OR3A2: variants seen among roughly 807,000 people sequenced by gnomAD.
The protein encoded by OR3A2 is olfactory receptor family 3 subfamily A member 2, also known as olfactory receptor 3A2.
For missense variants in OR3A2, 318 were observed against 392.8 expected, an observed-to-expected ratio of 0.81 and a Z score of 1.61; for synonymous variants, 126 against 159.3, an observed-to-expected ratio of 0.79 and a Z score of 1.57.
At chr17:3,368,294 C>T (rs749041908) in intron 2 of OR3A2, among the ~76,000 whole-genome samples, 6 of 152,154 alleles carry the variant, frequency 3.9e-5, no homozygotes, top group Admixed American at 1.3e-4. Context: ...GGTTCTTGAT[C>T]ATAAATTCTT....
chr17:3,292,663 C>A (rs1173879840), intron 3 of OR3A2: 2 of 1,283,072 alleles, frequency 1.6e-6, no homozygotes, highest in African/African-American at 1.5e-5. Flanking sequence ...AGAAACAGAC[C>A]CCCTTCTACT....
intron 2 of OR3A2, among the ~76,000 whole-genome samples, chr17:3,341,449 G>GT (rs1458997637): frequency 7.9e-4 from 121 of 152,206 alleles, no homozygotes; most frequent in African/African-American, 2.8e-3. Context: ...GCTCTTGTTA[G>GT]GCAGGCCTGG....
intron 2 of OR3A2, among the ~76,000 whole-genome samples, chr17:3,340,232 G>A: frequency 6.6e-6 from 1 of 152,060 alleles, no homozygotes; most frequent in Non-Finnish European, 1.5e-5. Flanking sequence ...TGGATTCACT[G>A]ATTTTTTTGA....
chr17:3,287,528 G>T (rs369522736), upstream of OR3A2, among the ~76,000 whole-genome samples: 1 of 152,016 alleles, frequency 6.6e-6, no homozygotes, highest in African/African-American at 2.4e-5. Context: ...TAAAATTTTC[G>T]TCTGTTAGTG....
intron 3 of OR3A2, among the ~76,000 whole-genome samples, chr17:3,328,820 T>C (rs375955746): frequency 0.053 from 6,278 of 118,666 alleles, 1,203 homozygotes; most frequent in African/African-American, 0.13. Context: ...GATAATCATG[T>C]GGTTTTTGTC....
At chr17:3,335,479 AC>A (rs2150644656) in intron 3 of OR3A2, among the ~76,000 whole-genome samples, 1 of 151,992 alleles carries the variant, frequency 6.6e-6, no homozygotes, top group South Asian at 2.1e-4. Context: ...TCCCTGCCCC[AC>A]CCCTACTGAT....
rs952805233 is a variant in OR3A2 at position 3,355,075 on chromosome 17, C to A, written c.-178-18949G>T. On this transcript the variant is annotated intron_variant, in intron 2 of 4. Coordinates refer to the OR3A2 transcript ENST00000573491. ...GTGTTCATATAGTTCCAAAATTATT[C>A]TTATTATAGTTCCATATAGTTCACA... Among the ~76,000 whole-genome samples, 45 of 151,256 alleles carry A rather than the reference C, an allele frequency of 3.0e-4. 1 individual carries two copies. Among genetic ancestry groups the A allele is most frequent in the African/African-American group, 1.0e-3 (42 of 41,050 alleles).
At chr17:3,310,372 C>T (rs745771695) in intron 3 of OR3A2, 33 of 534,786 alleles carry the variant, frequency 6.2e-5, no homozygotes, top group South Asian at 4.5e-4. Flanking sequence ...CTGGGCCTCA[C>T]AGAGACTGCA....
intron 2 of OR3A2, among the ~76,000 whole-genome samples, chr17:3,344,916 A>G (rs567011433): frequency 6.6e-6 from 1 of 152,188 alleles, no homozygotes; most frequent in Non-Finnish European, 1.5e-5. Flanking sequence ...TACCTTGCCT[A>G]TCAAGTCTGG....
chr17:3,365,256 A>G (rs949409279), intron 2 of OR3A2, among the ~76,000 whole-genome samples: 7 of 152,258 alleles, frequency 4.6e-5, no homozygotes, highest in African/African-American at 1.7e-4. Flanking sequence ...GGGATCTTAC[A>G]CAAAGCATAC....
At chr17:3,295,595 T>A (rs572386231) in intron 3 of OR3A2, among the ~76,000 whole-genome samples, 1 of 151,986 alleles carries the variant, frequency 6.6e-6, no homozygotes, top group African/African-American at 2.4e-5. Context: ...CCAAACACAC[T>A]TACAATGATA....
chr17:3,316,204 C>T (rs1045155889), intron 3 of OR3A2, among the ~76,000 whole-genome samples: 8 of 152,172 alleles, frequency 5.3e-5, no homozygotes, highest in Non-Finnish European at 8.8e-5. Flanking sequence ...AGATATAAGT[C>T]CATGGATTCC....
At position 3,380,666 on chromosome 17, in the gene OR3A2, A is replaced by T. The variant is rs1001991746; in HGVS notation, c.-179+3138T>A. Among the ~76,000 whole-genome samples, 5 of 152,312 alleles carry T rather than the reference A, an allele frequency of 3.3e-5. No homozygotes were observed. The East Asian group carries it at 9.6e-4, about 29-fold the overall frequency. On this transcript the variant is annotated intron_variant, in intron 2 of 4. Coordinates refer to the OR3A2 transcript ENST00000573491. ...AGAGGAGAAGAGATCCTTGGAATACAAAGGGCTCATCCAGGACTAAGACTG... is the reference window on the plus strand; with the variant it reads ...AGAGGAGAAGAGATCCTTGGAATACTAAGGGCTCATCCAGGACTAAGACTG...
At chr17:3,370,921 T>G (rs1168046620) in intron 2 of OR3A2, among the ~76,000 whole-genome samples, 1 of 152,110 alleles carries the variant, frequency 6.6e-6, no homozygotes, top group Non-Finnish European at 1.5e-5. Flanking sequence ...CAGCACATGT[T>G]TCAGAGAGCA....
intron 2 of OR3A2, among the ~76,000 whole-genome samples, chr17:3,343,888 C>G (rs1462295207): frequency 2.0e-5 from 3 of 152,130 alleles, no homozygotes; most frequent in Admixed American, 2.0e-4. Context: ...TTCAAGTAAC[C>G]TAGATTCATG....
At chr17:3,334,256 C>A (rs1490567808) in intron 3 of OR3A2, among the ~76,000 whole-genome samples, 1 of 152,106 alleles carries the variant, frequency 6.6e-6, no homozygotes, top group Non-Finnish European at 1.5e-5. Context: ...GTGTACAATT[C>A]AGTGGTAACA....
intron 1 of OR3A2, among the ~76,000 whole-genome samples, chr17:3,279,545 G>A (rs2048764766): frequency 6.6e-6 from 1 of 152,224 alleles, no homozygotes; most frequent in Admixed American, 6.5e-5. Context: ...TGTAATCCCA[G>A]CAGTTTGGGA....
At chr17:3,312,687 C>T (rs770063872) in intron 3 of OR3A2, among the ~76,000 whole-genome samples, 5 of 152,184 alleles carry the variant, frequency 3.3e-5, no homozygotes, top group South Asian at 4.1e-4. Context: ...TGCAGCGGCA[C>T]GATCTTGGCT....
intron 2 of OR3A2, among the ~76,000 whole-genome samples, chr17:3,380,927 C>A (rs1034819157): frequency 1.3e-5 from 2 of 152,164 alleles, no homozygotes; most frequent in Non-Finnish European, 2.9e-5. Context: ...GTAAGATTCA[C>A]GTGTGTGCCT....
Sources: gnomAD v4.1 joint callset for allele counts (sites outside exome capture counted in the v4.1 genomes callset) on GRCh38, gnomAD v4.1.1 for gene constraint, MANE v1.5 for transcripts, NCBI Gene and HGNC (gene_info 2026-07-23, HGNC 2026-07-21) for gene names.